ATP2B2: variants seen among roughly 807,000 people sequenced by gnomAD.
The protein encoded by ATP2B2 is ATPase plasma membrane Ca2+ transporting 2.
Under a neutral mutation model 120.0 loss-of-function variants are expected in ATP2B2, and 15 were observed. The ratio of observed to expected loss-of-function variants is 0.12; its 90% CI spans 0.08 to 0.19. The LOEUF (loss-of-function observed/expected upper bound fraction) is 0.19, where lower values mean the gene tolerates loss of function less well. ATP2B2 is among the 10% of genes least tolerant of loss of function. The pLI is 1.00. For missense variants in ATP2B2, 1,045 were observed against 1,719.8 expected (o/e 0.61, Z 6.94); for synonymous variants, 694 against 700.3 (o/e 0.99, Z 0.14).
chr3:10,610,355 C>T (rs899958071), intron 2 of ATP2B2, among the ~76,000 whole-genome samples: 4 of 151,960 alleles, frequency 2.6e-5, no homozygotes, highest in African/African-American at 4.8e-5. Context: ...TACTATCCAT[C>T]CCAGTTCCCC....
At chr3:10,651,759 GGATGGATGGATGGATA>G (rs1028463713) in intron 1 of ATP2B2, among the ~76,000 whole-genome samples, 38 of 152,084 alleles carry the variant, frequency 2.5e-4, no homozygotes, top group Non-Finnish European at 1.9e-4. Context: ...ATGGATGGAT[GGATGGATGGATGGATA>G]GATGGATGGA....
At chr3:10,666,463 A>G (rs1294165512) in intron 1 of ATP2B2, among the ~76,000 whole-genome samples, 3 of 152,150 alleles carry the variant, frequency 2.0e-5, no homozygotes, top group Non-Finnish European at 4.4e-5. Context: ...TTGCTTCAGT[A>G]AGTCATTGTA....
intron 1 of ATP2B2, among the ~76,000 whole-genome samples, chr3:10,640,313 G>A (rs562904801): frequency 6.6e-6 from 1 of 152,154 alleles, no homozygotes; most frequent in Non-Finnish European, 1.5e-5. Context: ...GGTTTCCAGG[G>A]GACAGACAGA....
intron 2 of ATP2B2, among the ~76,000 whole-genome samples, chr3:10,595,388 G>A (rs2068743065): frequency 1.3e-5 from 2 of 152,200 alleles, no homozygotes; most frequent in Non-Finnish European, 2.9e-5. Flanking sequence ...GTGTACCTTA[G>A]TGAAGAGTTC....
intron 5 of ATP2B2, among the ~76,000 whole-genome samples, chr3:10,389,976 C>T (rs1022560997): frequency 6.6e-6 from 1 of 152,122 alleles, no homozygotes; most frequent in African/African-American, 2.4e-5. Flanking sequence ...AATCTGGATG[C>T]TGGAAGGTTG....
chr3:10,335,983 G>A (rs146952924), intron 22 of ATP2B2: 20 of 995,450 alleles, frequency 2.0e-5, no homozygotes, highest in Middle Eastern at 3.2e-4. Flanking sequence ...CTGACCAACG[G>A]GACCCTCTTC....
chr3:10,700,557 G>A (rs1252333703), intron 1 of ATP2B2, among the ~76,000 whole-genome samples: 2 of 152,182 alleles, frequency 1.3e-5, no homozygotes, highest in Non-Finnish European at 2.9e-5. Flanking sequence ...GCAGAGCTGT[G>A]TCTCTCCCCC....
chr3:10,694,228 A>C (rs1479782627), intron 1 of ATP2B2, among the ~76,000 whole-genome samples: 1 of 152,192 alleles, frequency 6.6e-6, no homozygotes, highest in Non-Finnish European at 1.5e-5. Context: ...CAATTTTATC[A>C]CATTACCTTT....
At chr3:10,462,102 A>G (rs1288779627) in intron 1 of ATP2B2, among the ~76,000 whole-genome samples, 2 of 152,104 alleles carry the variant, frequency 1.3e-5, no homozygotes, top group Admixed American at 1.3e-4. Context: ...CCCATCTGGC[A>G]TCAACTTTCA....
intron 1 of ATP2B2, among the ~76,000 whole-genome samples, chr3:10,690,927 G>A (rs1384265037): frequency 2.0e-5 from 3 of 152,188 alleles, no homozygotes. Flanking sequence ...TTTATTCGTC[G>A]ATGAATCTCA....
intron 2 of ATP2B2, among the ~76,000 whole-genome samples, chr3:10,441,165 C>G (rs1483131009): frequency 6.6e-6 from 1 of 152,132 alleles, no homozygotes; most frequent in African/African-American, 2.4e-5. Flanking sequence ...CCTTCCTCCC[C>G]CTGGCTACAC....
chr3:10,503,992 T>C (rs6442176), intron 1 of ATP2B2, among the ~76,000 whole-genome samples: 34,744 of 152,186 alleles, frequency 0.23, 4,933 homozygotes, highest in African/African-American at 0.4. Context: ...GGTGTGGGCA[T>C]GGGCATTCCA....
chr3:10,366,761 G>C (rs2125482526), intron 12 of ATP2B2, among the ~76,000 whole-genome samples: 1 of 152,326 alleles, frequency 6.6e-6, no homozygotes, highest in South Asian at 2.1e-4. Flanking sequence ...CTGTGGCTCG[G>C]AGGAGCAGCA....
intron 2 of ATP2B2, among the ~76,000 whole-genome samples, chr3:10,550,905 CAATCAGGCAGGT>C (rs1285859097): frequency 6.6e-6 from 1 of 152,176 alleles, no homozygotes; most frequent in African/African-American, 2.4e-5. Flanking sequence ...GTAAACCCTC[CAATCAGGCAGGT>C]TGCTGGCAGG....
chr3:10,400,069 G>C (rs915634147), intron 5 of ATP2B2, among the ~76,000 whole-genome samples: 1 of 152,226 alleles, frequency 6.6e-6, no homozygotes, highest in Non-Finnish European at 1.5e-5. Context: ...GGTGTTTGCT[G>C]AGCACTGCTG....
At chr3:10,395,810 G>A (rs772260430) in intron 5 of ATP2B2, among the ~76,000 whole-genome samples, 4 of 152,338 alleles carry the variant, frequency 2.6e-5, no homozygotes, top group Non-Finnish European at 4.4e-5. Context: ...TGAGCACTGA[G>A]GTCAGATTGG....
chr3:10,652,804 A>C (rs6809217), intron 1 of ATP2B2, among the ~76,000 whole-genome samples: 33,416 of 152,130 alleles, frequency 0.22, 6,141 homozygotes, highest in African/African-American at 0.5. Context: ...CAAAGGATGA[A>C]TGTTGAGGAT....
intron 1 of ATP2B2, among the ~76,000 whole-genome samples, chr3:10,494,502 C>G (rs2066062923): frequency 6.6e-6 from 1 of 152,198 alleles, no homozygotes. Context: ...CCTGTGCCTT[C>G]TCCTCCAGTT....
chr3:10,607,430 G>A (rs1323817309), intron 2 of ATP2B2, among the ~76,000 whole-genome samples: 1 of 152,178 alleles, frequency 6.6e-6, no homozygotes, highest in African/African-American at 2.4e-5. Flanking sequence ...TCCAAAGCCA[G>A]GCAGAGTCCC....
Sources: allele counts gnomAD v4.1 joint callset (sites outside exome capture counted in the v4.1 genomes callset), GRCh38; gene constraint gnomAD v4.1.1; transcripts MANE v1.5; gene names NCBI Gene and HGNC (gene_info 2026-07-23, HGNC 2026-07-21).